The following SIGLEC11 variants were observed in gnomAD, a reference collection of about 807,000 sequenced individuals.
SIGLEC11 encodes sialic acid binding Ig like lectin 11, also known as sialic acid-binding Ig-like lectin 11.
A neutral mutation model predicts 61.2 loss-of-function variants in SIGLEC11; 47 were observed. That is an observed-to-expected ratio of 0.77 (90% CI 0.61 to 0.98). The LOEUF (loss-of-function observed/expected upper bound fraction) is 0.98, where lower values mean the gene tolerates loss of function less well. SIGLEC11 is among the 50% of genes least tolerant of loss of function. The pLI is 0.00. For missense variants in SIGLEC11, 610 were observed against 870.3 expected (o/e 0.70, Z 3.76); for synonymous variants, 278 against 373.1 (o/e 0.75, Z 2.94).
At position 49,951,811 on chromosome 19, in the gene SIGLEC11, A is replaced by C; in HGVS notation, c.1830+80T>G. The C allele has an allele frequency of 8.1e-7, 1 of 1,235,172 alleles. No individual in the cohort carries two copies. Among genetic ancestry groups the C allele is most frequent in the Non-Finnish European group, 1.1e-6 (1 of 899,912 alleles). 76.5% of individuals were successfully genotyped at this position (1,235,172 alleles called of 1,614,324 possible). The stretch of plus-strand genomic sequence containing the variant: ...CCTATTTGGGGCACAATGATTCTGC[A>C]AGTCACCAAGAGGACTACCCATGGC... On this transcript the variant is annotated intron_variant, in intron 10 of 10. Coordinates refer to ENST00000447370, the MANE Select transcript of SIGLEC11 (RefSeq NM_052884.3). This position sits in a 1 kb window ranked among gnomAD's most constrained non-coding sequence, Gnocchi z 4.6.
chr19:49,959,248 T>C, intron 5 of SIGLEC11, 112 bp downstream of exon 5: 1 of 1,522,940 alleles, frequency 6.6e-7, no homozygotes, highest in Non-Finnish European at 8.8e-7. Context: ...GGTAAGAAGG[T>C]CAGTCCCCGA....
At position 49,949,928 on chromosome 19, in the gene SIGLEC11, C is replaced by A. The variant is rs1237869746; in HGVS notation, c.*42G>T. The stretch of plus-strand genomic sequence containing the variant: ...AGTTCTGGCCGTCACACCAGTGCGA[C>A]TCCCACACACTTGCTGGTGTCCTGT... On this transcript the variant is annotated 3_prime_UTR_variant, in exon 11 of 11. Coordinates refer to ENST00000447370, the MANE Select transcript of SIGLEC11 (RefSeq NM_052884.3). 4 of 1,386,778 alleles carry A rather than the reference C, an allele frequency of 2.9e-6. No homozygotes were observed. Among genetic ancestry groups the A allele is most frequent in the Non-Finnish European group, 3.8e-6 (4 of 1,060,850 alleles). The allele number at this position is 1,386,778 out of a possible 1,614,324, so 85.9% of individuals were successfully genotyped here.
At chr19:49,952,165 T>G (rs2076162755) in intron 9 of SIGLEC11, 133 bp downstream of exon 9, 1 of 1,081,238 alleles carries the variant, frequency 9.2e-7, no homozygotes, top group Non-Finnish European at 1.3e-6. Flanking sequence ...AGCAGACCCC[T>G]GCTCTGATCC....
At position 49,958,442 on chromosome 19, in the gene SIGLEC11, T is replaced by A. The variant is rs2076214027; in HGVS notation, c.1492A>T (p.Ser498Cys). Residue 498 changes from serine (S) to cysteine (C), a missense_variant, in exon 8 of 11, where the codon AGC becomes TGC. Transcript: ENST00000447370. The part of the protein sequence containing the change: ...WLGEELLEGN[S>C]SQGSFEVTPS... ...GTGACCTCGAAGGAGCCCTGACTGC[T>A]GTTCCCCTCCAGCAGCTCCTCCCCA... The A allele has an allele frequency of 6.2e-7, 1 of 1,613,772 alleles. No individual in the cohort carries two copies. Among genetic ancestry groups the A allele is most frequent in the African/African-American group, 1.3e-5 (1 of 75,056 alleles).
At chr19:49,953,012 C>T (rs1173731979) in intron 8 of SIGLEC11, among the ~76,000 whole-genome samples, 1 of 152,192 alleles carries the variant, frequency 6.6e-6, no homozygotes, top group Non-Finnish European at 1.5e-5. Context: ...TCCTGTTCTC[C>T]GTATCGGTCT....
chr19:49,954,233 C>T (rs532537188), intron 8 of SIGLEC11, among the ~76,000 whole-genome samples: 1 of 152,268 alleles, frequency 6.6e-6, no homozygotes, highest in South Asian at 2.1e-4. Flanking sequence ...GCAAGAGAAG[C>T]CAGTTTTGCA....
chr19:49,957,809 G>A (rs1374101690), intron 8 of SIGLEC11, among the ~76,000 whole-genome samples: 1 of 152,156 alleles, frequency 6.6e-6, no homozygotes. Flanking sequence ...AGACCAGCCT[G>A]GCCAACATAG....
intron 8 of SIGLEC11, among the ~76,000 whole-genome samples, chr19:49,956,699 C>T (rs1600614234): frequency 6.6e-6 from 1 of 152,180 alleles, no homozygotes. Context: ...TACCTGGGCA[C>T]AAAATGGGTC....
At position 49,954,715 on chromosome 19, in the gene SIGLEC11, G is replaced by A. The variant is rs530269507; in HGVS notation, c.1652-2321C>T. On this transcript the variant is annotated intron_variant, in intron 8 of 10. Transcript: ENST00000447370. ...CAGATTGCAGGCAGCTTTTCCTAAC[G>A]TTATTTAACACTAAAAAGCGCAGGA... is the stretch of plus-strand genomic sequence containing the variant. Among the ~76,000 whole-genome samples the A allele has an allele frequency of 1.1e-4, 16 of 152,192 alleles. No individual in the cohort carries two copies. The South Asian group carries it at 2.1e-3, about 20-fold the overall frequency.
rs2076146020 is a variant in SIGLEC11 at position 49,949,785 on chromosome 19, T to C, written c.*185A>G. 1 of 502,360 alleles carries C rather than the reference T, an allele frequency of 2.0e-6. No individual in the cohort carries two copies. Among genetic ancestry groups the C allele is most frequent in the Non-Finnish European group, 3.1e-6 (1 of 324,142 alleles). The allele number at this position is 502,360 out of a possible 1,614,324, so 31.1% of individuals were successfully genotyped here. On this transcript the variant is annotated 3_prime_UTR_variant, in exon 11 of 11. Coordinates refer to ENST00000447370, the MANE Select transcript of SIGLEC11 (RefSeq NM_052884.3). ...TCAACCTGGCAGGTTGAGGCTACAG[T>C]GAGCTGAGATTGCACCACTGGACTC...
intron 8 of SIGLEC11, among the ~76,000 whole-genome samples, chr19:49,957,895 G>A (rs547356884): frequency 1.3e-5 from 2 of 152,194 alleles, no homozygotes; most frequent in African/African-American, 4.8e-5. Flanking sequence ...GGTGGCTGAG[G>A]CAGGAGAATT....
At chr19:49,958,964 C>A in intron 6 of SIGLEC11, 64 bp from the exon 7 acceptor site, 1 of 1,612,882 alleles carries the variant, frequency 6.2e-7, no homozygotes, top group Non-Finnish European at 8.5e-7. Flanking sequence ...TGTGTGGGGA[C>A]CCTCCAGACT....
Position 49,951,073 on chromosome 19 carries a change from C to T in SIGLEC11, c.1830+818G>A, listed in dbSNP as rs572064880. ...ACCACAAGCCAGGCCACATAGTTTA[C>T]GCCAGCACTGGGACTTACGGCGGGG... is the stretch of plus-strand genomic sequence containing the variant. On this transcript the variant is annotated intron_variant, in intron 10 of 10. Coordinates refer to ENST00000447370, the MANE Select transcript of SIGLEC11 (RefSeq NM_052884.3). The surrounding 1 kb of genome is among the most constrained non-coding windows in gnomAD (Gnocchi z 4.6). Among the ~76,000 whole-genome samples the T allele has an allele frequency of 3.9e-5, 6 of 152,308 alleles. No individual in the cohort carries two copies. The highest frequency in any genetic ancestry group is 9.6e-5 in the African/African-American group (4 of 41,568).
At position 49,959,067 on chromosome 19, in the gene SIGLEC11, C is replaced by T. The variant is rs2076222039; in HGVS notation, c.1068G>A (p.Glu356=). Reference sequence around the variant, plus strand: ...CTTGGGAAACCATCACTCTCAGGTTCTCTGGAGGATCTGAAATGGAGACAG... The same window carrying T: ...CTTGGGAAACCATCACTCTCAGGTTTTCTGGAGGATCTGAAATGGAGACAG... ...ALDLSVQYPP[E]NLRVMVSQAN... is the part of the protein sequence containing the mutation. Residue 356 remains glutamate, a synonymous_variant, in exon 6 of 11, where the codon GAG becomes GAA. Transcript: ENST00000447370. 2 of 1,613,844 alleles carry T rather than the reference C, an allele frequency of 1.2e-6. No homozygotes were observed. The highest frequency in any genetic ancestry group is 1.7e-6 in the Non-Finnish European group (2 of 1,179,828).
In SIGLEC11 at chr19:49,958,510, C is replaced by T; in HGVS notation, c.1424G>A (p.Cys475Tyr). The change falls in exon 8 of 11, where the codon TGC becomes TAC. Residue 475 changes from cysteine to tyrosine, a missense_variant. This residue lies in a region of SIGLEC11 where 432 missense variants were observed against 441.5 expected (regional missense o/e 0.98). Transcript: ENST00000447370. The stretch of plus-strand genomic sequence containing the variant: ...GGGGGCCGGGCTGGCCTGGGAGGAG[C>T]AGCTGCAGTGCAGACCCTCAGCCTC... ...SWEAEGLHCSCSSQASPAPSL... is the reference protein window; with the variant it reads ...SWEAEGLHCSYSSQASPAPSL... 1 of 1,608,206 alleles carries T rather than the reference C, an allele frequency of 6.2e-7. No homozygotes were observed. The highest frequency in any genetic ancestry group is 1.1e-5 in the South Asian group (1 of 90,626).
intron 8 of SIGLEC11, among the ~76,000 whole-genome samples, chr19:49,953,461 A>G (rs373905619): frequency 6.6e-6 from 1 of 152,174 alleles, no homozygotes. Context: ...TAAGTCGATT[A>G]GGAAAAGGAA....
Position 49,949,847 on chromosome 19 carries a change from A to G in SIGLEC11, c.*123T>C, listed in dbSNP as rs527921676. The stretch of plus-strand genomic sequence containing the variant: ...ACAGAGTCAGACCCTGTCTCAAAAA[A>G]AGTATAATCTTCAAACTCAAGCTCT... On this transcript the variant is annotated 3_prime_UTR_variant, in exon 11 of 11. Transcript: ENST00000447370. 7 of 1,094,232 alleles carry G rather than the reference A, an allele frequency of 6.4e-6. No homozygotes were observed. The South Asian group carries it at 2.3e-4, about 36-fold the overall frequency. The allele number at this position is 1,094,232 out of a possible 1,614,324, so 67.8% of individuals were successfully genotyped here.
At chr19:49,958,159 GC>G (rs937610350) in intron 8 of SIGLEC11, 123 bp downstream of exon 8, 111 of 1,366,696 alleles carry the variant, frequency 8.1e-5, no homozygotes, top group Non-Finnish European at 5.7e-5. Context: ...CAGCCACAGA[GC>G]AGGGACTTTG....
In SIGLEC11 at chr19:49,958,745, G is replaced by T. The variant is rs571622268; in HGVS notation, c.1261C>A (p.Leu421Met). The change falls in exon 7 of 11, where the codon CTG becomes ATG. Residue 421 changes from leucine (L) to methionine (M), a missense_variant. By Grantham distance (15) the Leu-to-Met change is conservative (BLOSUM62 2). Coordinates refer to ENST00000447370, the MANE Select transcript of SIGLEC11 (RefSeq NM_052884.3). ...TCCATTTGAATGGGTGGCAGCTCCA[G>T]GACCCCGGGGTCTGAGGGCTGGGAG... ...GPSQPSDPGVLELPPIQMEHE... is the reference protein window; with the variant it reads ...GPSQPSDPGVMELPPIQMEHE... The T allele has an allele frequency of 1.1e-5, 17 of 1,613,888 alleles. No homozygotes were observed. Among genetic ancestry groups the T allele is most frequent in the Non-Finnish European group, 1.4e-5 (16 of 1,179,888 alleles).
Sources: gnomAD v4.1 joint callset for allele counts (sites outside exome capture counted in the v4.1 genomes callset) on GRCh38, gnomAD v4.1.1 for gene constraint, gnomAD v4.1.1 regional missense constraint, Gnocchi (gnomAD v3.1) non-coding constraint, MANE v1.5 for transcripts, NCBI Gene and HGNC (gene_info 2026-07-23, HGNC 2026-07-21) for gene names.